LZTS2: variants seen among roughly 807,000 people sequenced by gnomAD.
LZTS2 encodes the protein leucine zipper putative tumor suppressor 2.
In LZTS2, 32 loss-of-function variants were observed where a neutral mutation model predicts 60.6. The observed-to-expected ratio is 0.53, with a 90% CI of 0.40 to 0.71. The LOEUF is 0.71. LZTS2 is among the 30% of genes least tolerant of loss of function. LZTS2 has a pLI of 0.00. For missense variants in LZTS2, 792 were observed against 901.9 expected, an observed-to-expected ratio of 0.88 and a Z score of 1.56; for synonymous variants, 360 against 393.1, an observed-to-expected ratio of 0.92 and a Z score of 1.00.
exon 1 of LZTS2, chr10:101,001,239 C>T (rs55646950): frequency 0.27 from 40,586 of 152,106 alleles, 6,151 homozygotes; most frequent in East Asian, 0.55. Flanking sequence ...CACAAATTCA[C>T]TTGTTAGATC....
chr10:100,996,967 C>T (rs1175991253), upstream of LZTS2: 1 of 152,652 alleles, frequency 6.6e-6, no homozygotes, highest in Non-Finnish European at 1.5e-5. Flanking sequence ...CGTCGAGTCA[C>T]TCTTAGGCTG....
chr10:101,005,789 C>G (rs1590038299), intron 3 of LZTS2, 74 bp downstream of exon 4: 2 of 1,428,130 alleles, frequency 1.4e-6, no homozygotes, highest in East Asian at 2.5e-5. Flanking sequence ...CCAGCCCCAC[C>G]CTCCCTCAGC....
chr10:101,006,949 G>C (rs557222054), exon 4 of LZTS2: 16 of 1,547,406 alleles, frequency 1.0e-5, no homozygotes, highest in African/African-American at 2.7e-5. Context: ...ACAGCTTTGA[G>C]GGGGAGCGGC....
rs577567148 is a variant in LZTS2 at position 101,006,921 on chromosome 10, G to A, written c.1763G>A (p.Arg588Gln). The A allele has an allele frequency of 1.2e-5, 18 of 1,532,724 alleles. No individual in the cohort carries two copies. The Admixed American group carries it at 2.4e-4, about 20-fold the overall frequency. The allele number at this position is 1,532,724 out of a possible 1,614,324, so 94.9% of individuals were successfully genotyped here. Residue 588 changes from arginine (R) to glutamine (Q), a missense_variant, in exon 4 of 4, where the codon CGG becomes CAG. Physicochemically the swap from Arg to Gln is conservative, Grantham distance 43 (BLOSUM62 1). Transcript: ENST00000370220. ...GTGGAGCTGCAGCGGGAGCGGCGGC[G>A]GGGTGAGGAGCAGCGGGACAGCTTT...
At chr10:101,003,579 C>T in exon 2 of LZTS2, 2 of 1,574,842 alleles carry the variant, frequency 1.3e-6, no homozygotes, top group Non-Finnish European at 1.7e-6. Flanking sequence ...GGCTCCGTCC[C>T]TGCCTAGCTT....
At chr10:101,003,096 G>C in intron 1 of LZTS2, 150 bp downstream of exon 2, 3 of 1,024,470 alleles carry the variant, frequency 2.9e-6, no homozygotes, top group East Asian at 5.3e-5. Context: ...TTCTGGATGT[G>C]TGACCTCAGG....
At chr10:101,005,393 G>A in intron 2 of LZTS2, 65 bp from the exon 4 acceptor site, 6 of 1,491,356 alleles carry the variant, frequency 4.0e-6, no homozygotes, top group Non-Finnish European at 5.3e-6. Flanking sequence ...TGGGCTGCCA[G>A]AGCAGACACT....
exon 4 of LZTS2, chr10:101,007,617 C>G (rs1852257572): frequency 8.0e-7 from 1 of 1,256,320 alleles, no homozygotes; most frequent in African/African-American, 1.5e-5. Flanking sequence ...GGGCTCGGTT[C>G]CCAGGTTTGA....
exon 1 of LZTS2, chr10:101,001,113 C>G (rs907351403): frequency 6.6e-6 from 1 of 152,300 alleles, no homozygotes; most frequent in Non-Finnish European, 1.5e-5. Flanking sequence ...TGCGTGCCCA[C>G]GTTCACAGGC....
exon 4 of LZTS2, chr10:101,006,663 GGGAGCT>G (rs747648747): frequency 1.9e-6 from 3 of 1,588,780 alleles, no homozygotes; most frequent in Non-Finnish European, 2.6e-6. Flanking sequence ...GCCCGAGCTC[GGGAGCT>G]GGAGCTGGAA....
At chr10:101,003,128 C>T (rs1852083120) in intron 1 of LZTS2, 182 bp downstream of exon 2, 1 of 755,654 alleles carries the variant, frequency 1.3e-6, no homozygotes, top group Admixed American at 3.2e-5. Flanking sequence ...ACCTGAGCCT[C>T]AGTTTCTAGA....
Position 101,006,653 on chromosome 10 carries a change from GC to G in LZTS2, c.1498del (p.Arg500GlufsTer111). 2 of 1,585,746 alleles carry G rather than the reference GC, an allele frequency of 1.3e-6. No individual in the cohort carries two copies. On this transcript the variant is annotated frameshift_variant, in exon 4 of 4. Coordinates refer to ENST00000370220, the Ensembl canonical transcript of LZTS2. LOFTEE classifies it high-confidence loss of function. ...CCGTGCGCGGGGTCTACAGGAGGCC[GC>G]CCGAGCTCGGGAGCTGGAGCTGGAA...
chr10:101,004,315 T>C (rs1852122736), intron 2 of LZTS2, 149 bp downstream of exon 3: 2 of 880,836 alleles, frequency 2.3e-6, no homozygotes, highest in Non-Finnish European at 3.3e-6. Context: ...TCTGGTTTAA[T>C]GTGTGGAGTA....
rs370735936 is a variant in LZTS2 at position 101,006,653 on chromosome 10, G to A, written c.1495G>A (p.Ala499Thr). The change falls in exon 4 of 4, where the codon GCC becomes ACC. Residue 499 changes from alanine to threonine, a missense_variant. Coordinates refer to ENST00000370220, the Ensembl canonical transcript of LZTS2. ...CCGTGCGCGGGGTCTACAGGAGGCC[G>A]CCCGAGCTCGGGAGCTGGAGCTGGA... 48 of 1,585,744 alleles carry A rather than the reference G, an allele frequency of 3.0e-5. No homozygotes were observed. The South Asian group carries it at 3.7e-4, about 12-fold the overall frequency.
At chr10:101,006,900 AGCT>A in exon 4 of LZTS2, 2 of 1,533,528 alleles carry the variant, frequency 1.3e-6, no homozygotes, top group Non-Finnish European at 1.8e-6. Context: ...TTGCGGGTGG[AGCT>A]GCAGCGGGAG....
At chr10:101,002,599 C>A in exon 1 of LZTS2, 1 of 1,557,980 alleles carries the variant, frequency 6.4e-7, no homozygotes, top group African/African-American at 1.4e-5. Context: ...TGCCACTGCC[C>A]CACAAGCTCC....
chr10:101,006,713 G>A (rs763267502), exon 4 of LZTS2: 1 of 1,602,560 alleles, frequency 6.2e-7, no homozygotes, highest in East Asian at 2.2e-5. Flanking sequence ...ACACCGCCAG[G>A]AAGCTGAGCA....
upstream of LZTS2, among the ~76,000 whole-genome samples, chr10:100,997,984 C>T (rs1043284395): frequency 1.3e-5 from 2 of 152,224 alleles, no homozygotes; most frequent in African/African-American, 4.8e-5. Context: ...GAGACAGGCC[C>T]TTGATGGCAG....
At chr10:101,004,115 G>A in exon 2 of LZTS2, 1 of 1,612,858 alleles carries the variant, frequency 6.2e-7, no homozygotes, top group Non-Finnish European at 8.5e-7. Flanking sequence ...GGGAGGCAGA[G>A]CTTCAGCAGC....
Sources: allele counts gnomAD v4.1 joint callset (sites outside exome capture counted in the v4.1 genomes callset), GRCh38; gene constraint gnomAD v4.1.1; transcripts MANE v1.5; gene names NCBI Gene and HGNC (gene_info 2026-07-23, HGNC 2026-07-21).